The following LOC400499 variants were observed in gnomAD, a reference collection of about 807,000 sequenced individuals.
chr16:11,404,045 G>A, the LOC400499 span, among the ~76,000 whole-genome samples: 1 of 152,048 alleles, frequency 6.6e-6, no homozygotes, highest in East Asian at 1.9e-4. Context: ...TTCCAAGTGG[G>A]GCCTTCCGCC....
At chr16:11,430,236 C>T in the LOC400499 span, among the ~76,000 whole-genome samples, 6 of 152,108 alleles carry the variant, frequency 3.9e-5, no homozygotes, top group Non-Finnish European at 8.8e-5. Context: ...CCTGTAATCC[C>T]AGCACTTTGG....
the LOC400499 span, among the ~76,000 whole-genome samples, chr16:11,468,699 C>G: frequency 1.3e-5 from 2 of 152,192 alleles, no homozygotes; most frequent in Non-Finnish European, 2.9e-5. Context: ...ATGATCTCAG[C>G]TCACTGAAAC....
the LOC400499 span, among the ~76,000 whole-genome samples, chr16:11,438,654 T>C: frequency 6.8e-6 from 1 of 147,214 alleles, no homozygotes; most frequent in Non-Finnish European, 1.5e-5. Flanking sequence ...CTGGGTGTTG[T>C]GGCAGGTGCC....
At chr16:11,424,423 T>C in the LOC400499 span, 1 of 399,072 alleles carries the variant, frequency 2.5e-6, no homozygotes, top group East Asian at 3.6e-5. Flanking sequence ...TTAGTCAGGA[T>C]GGGAACATGA....
At chr16:11,450,589 G>T in the LOC400499 span, 3 of 1,534,268 alleles carry the variant, frequency 2.0e-6, no homozygotes, top group Middle Eastern at 1.8e-4. Context: ...GACATATATC[G>T]GGGGCCGAGC....
the LOC400499 span, chr16:11,411,130 G>A: frequency 2.5e-6 from 1 of 397,828 alleles, no homozygotes. Flanking sequence ...GGAGCCTGCT[G>A]CAGGCTGGTG....
chr16:11,505,966 C>T, the LOC400499 span, among the ~76,000 whole-genome samples: 1 of 152,240 alleles, frequency 6.6e-6, no homozygotes, highest in Admixed American at 6.5e-5. Context: ...GTATTAGAGT[C>T]TGATTTCTTC....
At chr16:11,407,415 A>G in the LOC400499 span, 1 of 396,802 alleles carries the variant, frequency 2.5e-6, no homozygotes, top group African/African-American at 2.1e-5. Flanking sequence ...ATTCCAGGAG[A>G]TGCTGGCTGT....
chr16:11,445,873 G>A, the LOC400499 span, among the ~76,000 whole-genome samples: 1 of 151,410 alleles, frequency 6.6e-6, no homozygotes, highest in African/African-American at 2.4e-5. Context: ...TTGCTCTGTG[G>A]CCCAGGCTGG....
the LOC400499 span, among the ~76,000 whole-genome samples, chr16:11,445,018 G>A: frequency 3.9e-5 from 6 of 151,960 alleles, no homozygotes; most frequent in African/African-American, 1.5e-4. Flanking sequence ...AAGCCTAGGA[G>A]GACAAGGCTA....
chr16:11,513,977 G>A, the LOC400499 span, among the ~76,000 whole-genome samples: 2 of 152,102 alleles, frequency 1.3e-5, no homozygotes, highest in African/African-American at 4.8e-5. Flanking sequence ...CAGAATTGTA[G>A]GAGGGCACCA....
the LOC400499 span, among the ~76,000 whole-genome samples, chr16:11,412,493 A>G: frequency 5.9e-5 from 9 of 152,220 alleles, no homozygotes; most frequent in Non-Finnish European, 1.0e-4. Flanking sequence ...CCTGAGGGCT[A>G]GAGCCTGGCT....
At chr16:11,384,840 A>C in the LOC400499 span, 1 of 1,230,968 alleles carries the variant, frequency 8.1e-7, no homozygotes, top group Non-Finnish European at 1.0e-6. Context: ...GGTGCATCCC[A>C]AAGAGTCCGC....
the LOC400499 span, among the ~76,000 whole-genome samples, chr16:11,398,744 C>G: frequency 3.3e-5 from 5 of 151,954 alleles, no homozygotes; most frequent in African/African-American, 1.2e-4. Context: ...ACTGCAACCT[C>G]TACCTCCCAG....
chr16:11,515,892 C>CA, the LOC400499 span: 14 of 39,920 alleles, frequency 3.5e-4, no homozygotes, highest in Non-Finnish European at 7.9e-4. Context: ...CCCAGCCCAG[C>CA]CTAGCCCAGC....
chr16:11,486,518 G>A, the LOC400499 span, among the ~76,000 whole-genome samples: 1 of 136,138 alleles, frequency 7.3e-6, no homozygotes, highest in Non-Finnish European at 1.6e-5. Flanking sequence ...AATGAATGAT[G>A]GCTGGATAGA....
the LOC400499 span, among the ~76,000 whole-genome samples, chr16:11,488,167 C>T: frequency 1.3e-5 from 2 of 151,320 alleles, no homozygotes; most frequent in Non-Finnish European, 2.9e-5. Context: ...GTGTACAGTA[C>T]TCCTTTTTAG....
the LOC400499 span, among the ~76,000 whole-genome samples, chr16:11,429,271 C>G: frequency 5.9e-5 from 9 of 152,278 alleles, no homozygotes; most frequent in Middle Eastern, 0.014. Context: ...CAGCTCCCCC[C>G]TCTTTCTCTT....
At chr16:11,527,349 A>G in the LOC400499 span, among the ~76,000 whole-genome samples, 1 of 152,180 alleles carries the variant, frequency 6.6e-6, no homozygotes, top group East Asian at 1.9e-4. Context: ...GCCAGTCAGA[A>G]GCCTCCAATA....
Sources: allele counts gnomAD v4.1 joint callset (sites outside exome capture counted in the v4.1 genomes callset), GRCh38; gene constraint gnomAD v4.1.1; transcripts MANE v1.5.